Variants in PDE4D observed in about 807,000 individuals in gnomAD.
PDE4D encodes the protein phosphodiesterase 4D, also known as 3',5'-cyclic-AMP phosphodiesterase 4D.
PDE4D carries 24 observed loss-of-function variants against 87.4 expected under a neutral mutation model. That is an observed-to-expected ratio of 0.27 (90% CI 0.20 to 0.39). The LOEUF (loss-of-function observed/expected upper bound fraction) is 0.39. PDE4D is among the 10% of genes least tolerant of loss of function. The pLI is 1.00. For missense variants in PDE4D, 714 were observed against 1,041.0 expected, an observed-to-expected ratio of 0.69 and a Z score of 4.32; for synonymous variants, 384 against 383.2, an observed-to-expected ratio of 1.00 and a Z score of -0.02.
chr5:59,077,982 C>G (rs1766003823), intron 5 of PDE4D, among the ~76,000 whole-genome samples: 1 of 152,186 alleles, frequency 6.6e-6, no homozygotes, highest in African/African-American at 2.4e-5. Flanking sequence ...CCTAAATGAG[C>G]AACCGCGCAT....
intron 1 of PDE4D, among the ~76,000 whole-genome samples, chr5:59,289,239 C>T (rs1767555464): frequency 6.6e-6 from 1 of 151,900 alleles, no homozygotes; most frequent in African/African-American, 2.4e-5. Flanking sequence ...TTTCCCTTTG[C>T]TTGTTAGTTT....
At chr5:60,241,488 G>A (rs2149659220) in intron 1 of PDE4D, among the ~76,000 whole-genome samples, 1 of 152,026 alleles carries the variant, frequency 6.6e-6, no homozygotes, top group African/African-American at 2.4e-5. Flanking sequence ...TGGCCAGGCT[G>A]GTCTCAAACT....
At chr5:59,409,434 T>C (rs928508752) in intron 1 of PDE4D, among the ~76,000 whole-genome samples, 1 of 152,142 alleles carries the variant, frequency 6.6e-6, no homozygotes. Context: ...CCTCCAAATC[T>C]CATATTGGGA....
intron 1 of PDE4D, among the ~76,000 whole-genome samples, chr5:59,477,353 TA>T (rs35047246): frequency 0.25 from 22,139 of 88,178 alleles, 1,797 homozygotes; most frequent in Non-Finnish European, 0.28. Context: ...TAGAGTATAA[TA>T]AAAAAAAAAA....
At chr5:60,047,302 T>A (rs1323488883) in intron 2 of PDE4D, among the ~76,000 whole-genome samples, 16 of 152,290 alleles carry the variant, frequency 1.1e-4, no homozygotes, top group Middle Eastern at 6.8e-3. Context: ...ATTTTGTTGA[T>A]CCTTTCAAAA....
At chr5:59,652,001 C>G (rs572047120) in intron 1 of PDE4D, among the ~76,000 whole-genome samples, 3 of 152,332 alleles carry the variant, frequency 2.0e-5, no homozygotes, top group Non-Finnish European at 4.4e-5. Flanking sequence ...GCCTAACCCT[C>G]TCACCCGAAT....
intron 6 of PDE4D, among the ~76,000 whole-genome samples, chr5:59,005,542 G>A (rs922101606): frequency 6.6e-6 from 1 of 152,150 alleles, no homozygotes; most frequent in Non-Finnish European, 1.5e-5. Flanking sequence ...TCTGCAGAGA[G>A]AATCTAGATA....
chr5:59,031,943 G>A (rs1757622977), intron 6 of PDE4D, among the ~76,000 whole-genome samples: 1 of 151,998 alleles, frequency 6.6e-6, no homozygotes, highest in Non-Finnish European at 1.5e-5. Flanking sequence ...TAGAGGAGGA[G>A]GGAGAGAGAA....
chr5:60,123,849 A>G (rs893459565), intron 2 of PDE4D, among the ~76,000 whole-genome samples: 1 of 152,198 alleles, frequency 6.6e-6, no homozygotes, highest in African/African-American at 2.4e-5. Context: ...ACAAAATAAA[A>G]TGTGGCTAAG....
At chr5:59,967,961 C>G (rs1430272699) in intron 3 of PDE4D, among the ~76,000 whole-genome samples, 2 of 142,216 alleles carry the variant, frequency 1.4e-5, no homozygotes, top group Admixed American at 1.4e-4. Flanking sequence ...ATGAATGGAG[C>G]TGGGAGCCAT....
At chr5:60,508,532 A>G (rs2150252907) in intron 1 of PDE4D, among the ~76,000 whole-genome samples, 1 of 152,370 alleles carries the variant, frequency 6.6e-6, no homozygotes, top group Non-Finnish European at 1.5e-5. Context: ...CTATAATTCT[A>G]CAAAATGTCT....
rs565618252 is a variant in PDE4D at position 59,601,301 on chromosome 5, C to T, written c.455+291867G>A. Reference sequence around the variant, plus strand: ...TTTCTAGTAATCTTGCTACCCACAACATTGTTTTTATATAAACAGGTCACA... The same window carrying T: ...TTTCTAGTAATCTTGCTACCCACAATATTGTTTTTATATAAACAGGTCACA... On this transcript the variant is annotated intron_variant, in intron 1 of 14. Coordinates refer to ENST00000340635, the MANE Select transcript of PDE4D (RefSeq NM_001104631.2). Among the ~76,000 whole-genome samples the T allele has an allele frequency of 2.0e-5, 3 of 152,226 alleles. No individual in the cohort carries two copies. The East Asian group carries it at 5.8e-4, about 29-fold the overall frequency.
At chr5:59,931,487 C>G (rs998504223) in intron 3 of PDE4D, among the ~76,000 whole-genome samples, 1 of 152,048 alleles carries the variant, frequency 6.6e-6, no homozygotes, top group Non-Finnish European at 1.5e-5. Context: ...TGGGGACCCT[C>G]CACAGAGTCC....
intron 2 of PDE4D, among the ~76,000 whole-genome samples, chr5:60,072,253 T>C (rs140249851): frequency 8.5e-5 from 13 of 152,306 alleles, no homozygotes; most frequent in African/African-American, 3.1e-4. Flanking sequence ...TTGACTTGCA[T>C]TGCTCTAATG....
intron 1 of PDE4D, among the ~76,000 whole-genome samples, chr5:59,498,774 T>C (rs375865852): frequency 6.6e-6 from 1 of 152,142 alleles, no homozygotes; most frequent in Non-Finnish European, 1.5e-5. Flanking sequence ...GATACATATT[T>C]ATAAAATAAT....
rs1743702641 is a variant in PDE4D, at chr5:60,215,109, G to A, written c.-89-29422C>T. Among the ~76,000 whole-genome samples, 3 of 152,144 alleles carry A rather than the reference G, an allele frequency of 2.0e-5. 1 individual carries two copies. The highest frequency in any genetic ancestry group is 4.1e-4 in the South Asian group (2 of 4,832). ...ATGACTGATAGAAAGAGAGCAGTAT[G>A]ATTCACTCCTCTGTAGCGATTTCTA... is the stretch of plus-strand genomic sequence containing the variant. On this transcript the variant is annotated intron_variant, in intron 1 of 16. Transcript: ENST00000502484.
chr5:60,389,397 A>G (rs1347003851), intron 1 of PDE4D, among the ~76,000 whole-genome samples: 1 of 152,074 alleles, frequency 6.6e-6, no homozygotes, highest in Admixed American at 6.5e-5. Flanking sequence ...TAATCATATG[A>G]TTTATATTTT....
intron 1 of PDE4D, among the ~76,000 whole-genome samples, chr5:59,512,452 C>A (rs1810444986): frequency 6.6e-6 from 1 of 152,044 alleles, no homozygotes; most frequent in Admixed American, 6.6e-5. Flanking sequence ...TTCCAGGAAG[C>A]TAACAATCAA....
At chr5:60,126,846 T>C (rs1349385191) in intron 2 of PDE4D, among the ~76,000 whole-genome samples, 2 of 152,214 alleles carry the variant, frequency 1.3e-5, no homozygotes. Context: ...GTACTACTGA[T>C]GCAGTGATGA....
Sources: allele counts gnomAD v4.1 joint callset (sites outside exome capture counted in the v4.1 genomes callset), GRCh38; gene constraint gnomAD v4.1.1; transcripts MANE v1.5; gene names NCBI Gene and HGNC (gene_info 2026-07-23, HGNC 2026-07-21).